DLGAP1: variants seen among roughly 807,000 people sequenced by gnomAD.
DLGAP1 encodes the protein disks large-associated protein 1.
DLGAP1 carries 11 observed loss-of-function variants against 90.8 expected under a neutral mutation model. That is an observed-to-expected ratio of 0.12 (90% CI 0.08 to 0.20). DLGAP1 has a LOEUF of 0.20. DLGAP1 is among the 10% of genes least tolerant of loss of function. The pLI, the probability that DLGAP1 is intolerant of heterozygous loss-of-function variation, is 1.00. For synonymous variants in DLGAP1, 558 were observed against 540.7 expected (o/e 1.03, Z -0.44); for missense variants, 1,050 against 1,333.8 (o/e 0.79, Z 3.31).
chr18:3,899,729 C>T (rs2667396), intron 3 of DLGAP1, among the ~76,000 whole-genome samples: 86,359 of 152,024 alleles, frequency 0.57, 24,754 homozygotes, highest in Middle Eastern at 0.71. Context: ...CCAGTGTGAG[C>T]TTAGAAATGT....
chr18:4,232,664 A>T (rs1435779673), intron 1 of DLGAP1, among the ~76,000 whole-genome samples: 1 of 152,194 alleles, frequency 6.6e-6, no homozygotes, highest in African/African-American at 2.4e-5. Context: ...AGCATAACAA[A>T]TGTAAGAAAT....
At chr18:3,725,843 A>G (rs1379060104) in intron 7 of DLGAP1, among the ~76,000 whole-genome samples, 7 of 152,208 alleles carry the variant, frequency 4.6e-5, no homozygotes, top group Non-Finnish European at 8.8e-5. Context: ...ACTAATACCT[A>G]GAGGATCCCT....
intron 7 of DLGAP1, among the ~76,000 whole-genome samples, chr18:3,669,955 C>T (rs1476546646): frequency 6.6e-6 from 1 of 152,118 alleles, no homozygotes; most frequent in African/African-American, 2.4e-5. Context: ...GGGTGGGAGC[C>T]CTACAGCCTG....
At chr18:4,178,681 C>A (rs1216630791) in intron 1 of DLGAP1, among the ~76,000 whole-genome samples, 1 of 152,006 alleles carries the variant, frequency 6.6e-6, no homozygotes, top group Non-Finnish European at 1.5e-5. Flanking sequence ...AAAGGACATG[C>A]TTTTTATAGT....
chr18:4,176,924 A>G (rs937391582), intron 1 of DLGAP1, among the ~76,000 whole-genome samples: 1 of 152,144 alleles, frequency 6.6e-6, no homozygotes, highest in Non-Finnish European at 1.5e-5. Flanking sequence ...CTGTGTGCCC[A>G]GCATATTTTC....
intron 2 of DLGAP1, among the ~76,000 whole-genome samples, chr18:4,020,720 T>G (rs1239149913): frequency 1.3e-5 from 2 of 152,202 alleles, no homozygotes; most frequent in Admixed American, 6.5e-5. Context: ...GAAACAAAGA[T>G]GATAATAAAT....
intron 4 of DLGAP1, among the ~76,000 whole-genome samples, chr18:3,831,457 T>A (rs781181658): frequency 1.3e-5 from 2 of 152,224 alleles, no homozygotes; most frequent in Non-Finnish European, 2.9e-5. Flanking sequence ...AGATGCTTTA[T>A]ACTGTATTGT....
intron 2 of DLGAP1, among the ~76,000 whole-genome samples, chr18:4,089,645 C>T (rs533368070): frequency 2.0e-5 from 3 of 152,254 alleles, no homozygotes; most frequent in East Asian, 1.9e-4. Context: ...CATTTACAAA[C>T]GTCTGATCTT....
chr18:3,981,606 G>A (rs927698572), intron 3 of DLGAP1, among the ~76,000 whole-genome samples: 11 of 152,190 alleles, frequency 7.2e-5, no homozygotes, highest in African/African-American at 2.7e-4. Flanking sequence ...TAAGAACAGG[G>A]CACTGGGGAC....
At chr18:3,669,674 G>A (rs957671961) in intron 7 of DLGAP1, among the ~76,000 whole-genome samples, 1 of 152,176 alleles carries the variant, frequency 6.6e-6, no homozygotes, top group Admixed American at 6.5e-5. Flanking sequence ...AACTCTAGGG[G>A]AAGGCCATCT....
chr18:3,788,744 A>G (rs2065580094), intron 5 of DLGAP1, among the ~76,000 whole-genome samples: 1 of 152,174 alleles, frequency 6.6e-6, no homozygotes, highest in Non-Finnish European at 1.5e-5. Context: ...TAGCCATTAT[A>G]AAGGAGAGCT....
intron 6 of DLGAP1, among the ~76,000 whole-genome samples, chr18:3,740,998 CTCACCACCACCACCACCA>C (rs1568047418): frequency 1.3e-5 from 1 of 76,794 alleles, no homozygotes; most frequent in Non-Finnish European, 2.6e-5. Flanking sequence ...CCACCATCAC[CTCACCACCACCACCACCA>C]TCACCACCAC....
At chr18:3,683,951 C>A (rs2060610739) in intron 7 of DLGAP1, among the ~76,000 whole-genome samples, 1 of 151,988 alleles carries the variant, frequency 6.6e-6, no homozygotes, top group Non-Finnish European at 1.5e-5. Context: ...ATCTCCCTCA[C>A]TGGGGGGACA....
chr18:4,167,269 C>T (rs765573460), intron 1 of DLGAP1, among the ~76,000 whole-genome samples: 69 of 152,066 alleles, frequency 4.5e-4, no homozygotes, highest in Admixed American at 7.9e-4. Context: ...AAAAACATGG[C>T]CCTACTATAT....
intron 3 of DLGAP1, among the ~76,000 whole-genome samples, chr18:3,932,752 T>G (rs952980351): frequency 6.6e-6 from 1 of 152,220 alleles, no homozygotes; most frequent in Non-Finnish European, 1.5e-5. Context: ...CACTTGGTGC[T>G]AGGCACTAAC....
chr18:4,306,512 A>G lies in DLGAP1; in HGVS notation c.-267+148494T>C, dbSNP rs148884744. On this transcript the variant is annotated intron_variant, in intron 1 of 12. Coordinates refer to ENST00000315677, the MANE Select transcript of DLGAP1 (RefSeq NM_004746.4). ...AGAAAATAAAGAAGAAAGGAGGGAA[A>G]GGGGAAGGAGTGGGAGAGGGGGTTG... Among the ~76,000 whole-genome samples the G allele has an allele frequency of 6.7e-3, 1,009 of 151,662 alleles. 16 individuals carry two copies. The highest frequency in any genetic ancestry group is 0.023 in the African/African-American group (941 of 41,306).
intron 7 of DLGAP1, among the ~76,000 whole-genome samples, chr18:3,686,081 G>C (rs1254366563): frequency 6.6e-6 from 1 of 152,152 alleles, no homozygotes; most frequent in Non-Finnish European, 1.5e-5. Context: ...GGAGGCTGAG[G>C]CAGGAGAATC....
At chr18:3,648,702 A>G (rs2059200935) in intron 7 of DLGAP1, among the ~76,000 whole-genome samples, 1 of 152,234 alleles carries the variant, frequency 6.6e-6, no homozygotes, top group Admixed American at 6.5e-5. Flanking sequence ...TTGTTCTTTA[A>G]GAGTAAGAGT....
intron 1 of DLGAP1, among the ~76,000 whole-genome samples, chr18:4,198,026 C>G (rs528343195): frequency 3.3e-5 from 5 of 152,016 alleles, no homozygotes; most frequent in East Asian, 1.9e-4. Context: ...TCAAGACCAT[C>G]CTGGCTAACC....
Sources: allele counts gnomAD v4.1 joint callset (sites outside exome capture counted in the v4.1 genomes callset), GRCh38; gene constraint gnomAD v4.1.1; transcripts MANE v1.5; gene names NCBI Gene and HGNC (gene_info 2026-07-23, HGNC 2026-07-21).